MLXIPL: variants seen among roughly 807,000 people sequenced by gnomAD.
The protein encoded by MLXIPL is carbohydrate-responsive element-binding protein.
MLXIPL carries 49 observed loss-of-function variants against 81.5 expected under a neutral mutation model. The observed-to-expected ratio is 0.60, with a 90% CI of 0.48 to 0.76. The LOEUF is 0.76. Among genes scored for constraint, MLXIPL ranks in the 30% least tolerant of loss-of-function variants. The probability of loss-of-function intolerance (pLI) is 0.00; values close to 1 mark genes in which losing one functional copy is unlikely to be tolerated. For synonymous variants in MLXIPL, 466 were observed against 485.5 expected (o/e 0.96, Z 0.53); for missense variants, 1,053 against 1,167.0 (o/e 0.90, Z 1.42).
chr7:73,636,687 G>A, the MLXIPL span, among the ~76,000 whole-genome samples: 5 of 152,136 alleles, frequency 3.3e-5, no homozygotes, highest in Non-Finnish European at 5.9e-5. Context: ...ATGGACAACT[G>A]CCAGGCTGGG....
At chr7:73,616,572 G>A (rs1022947274) in intron 1 of MLXIPL, among the ~76,000 whole-genome samples, 4 of 152,126 alleles carry the variant, frequency 2.6e-5, no homozygotes, top group Non-Finnish European at 5.9e-5. Context: ...CCTGGGCTGG[G>A]TGCAGTAGCT....
At chr7:73,643,952 T>C in the MLXIPL span, among the ~76,000 whole-genome samples, 1 of 151,884 alleles carries the variant, frequency 6.6e-6, no homozygotes, top group Non-Finnish European at 1.5e-5. Context: ...AATTTTTATA[T>C]AGATGGGGGG....
Position 73,596,900 on chromosome 7 carries a change from C to T in MLXIPL, c.1636G>A (p.Val546Ile), listed in dbSNP as rs1554594345. 1 of 1,610,992 alleles carries T rather than the reference C, an allele frequency of 6.2e-7. No individual in the cohort carries two copies. The highest frequency in any genetic ancestry group is 1.1e-5 in the South Asian group (1 of 90,582). The change falls in exon 10 of 17, where the codon GTA becomes ATA. Residue 546 changes from valine to isoleucine, a missense_variant. Physicochemically the swap from Val to Ile is conservative, Grantham distance 29 (BLOSUM62 3). This residue lies in a region of MLXIPL where 823 missense variants were observed against 933.0 expected (regional missense o/e 0.88). Coordinates refer to ENST00000313375, the MANE Select transcript of MLXIPL (RefSeq NM_032951.3). The surrounding 1 kb of genome is among the most constrained non-coding windows in gnomAD (Gnocchi z 4.7). ...GGGGACCGGAGGAGGGTGCTGGATA[C>T]AAGTGGTGGCTCCAGGGCTTGCTCC... ...KPEQALEPPL[V>I]SSTLLRSPGS... is the part of the protein sequence containing the mutation.
chr7:73,597,904 C>G (rs1317412631), intron 8 of MLXIPL, among the ~76,000 whole-genome samples, 191 bp from the exon 9 acceptor site: 1 of 152,110 alleles, frequency 6.6e-6, no homozygotes, highest in African/African-American at 2.4e-5. Context: ...AGGGAAATTA[C>G]AATGAGAGGA....
intron 7 of MLXIPL, among the ~76,000 whole-genome samples, chr7:73,601,485 C>T (rs1794817641): frequency 6.6e-6 from 1 of 152,024 alleles, no homozygotes; most frequent in South Asian, 2.1e-4. Flanking sequence ...TCTGCTGGTA[C>T]AGAAAGGAGG....
chr7:73,602,395 G>A (rs1285844638), intron 7 of MLXIPL, among the ~76,000 whole-genome samples: 1 of 150,548 alleles, frequency 6.6e-6, no homozygotes, highest in Non-Finnish European at 1.5e-5. Context: ...ACCAGGCCAG[G>A]CGCGGTGGCT....
upstream of MLXIPL, chr7:73,624,556 G>A: frequency 6.8e-7 from 1 of 1,461,406 alleles, no homozygotes; most frequent in Non-Finnish European, 9.0e-7. Flanking sequence ...CTCTTGGCCA[G>A]CCGGGCCTCA....
chr7:73,635,982 T>C, the MLXIPL span, among the ~76,000 whole-genome samples: 1 of 152,182 alleles, frequency 6.6e-6, no homozygotes, highest in South Asian at 2.1e-4. Flanking sequence ...GAGTGAGGCA[T>C]GCCCTCCAGC....
At chr7:73,640,514 C>T in the MLXIPL span, among the ~76,000 whole-genome samples, 138 of 148,616 alleles carry the variant, frequency 9.3e-4, no homozygotes, top group South Asian at 3.7e-3. Flanking sequence ...TGGTGGCTCA[C>T]GCTTGTAATC....
intron 2 of MLXIPL, among the ~76,000 whole-genome samples, chr7:73,612,624 A>G (rs1795762435): frequency 6.7e-6 from 1 of 150,144 alleles, no homozygotes; most frequent in Non-Finnish European, 1.5e-5. Flanking sequence ...CCTGAGCAAC[A>G]GAGTGAGACC....
At chr7:73,603,549 C>T (rs1412582578) in intron 7 of MLXIPL, among the ~76,000 whole-genome samples, 3 of 152,198 alleles carry the variant, frequency 2.0e-5, no homozygotes, top group African/African-American at 4.8e-5. Context: ...CCCTAGTTCC[C>T]GCCCCATAGG....
Position 73,624,324 on chromosome 7 carries a change from G to T in MLXIPL, c.169C>A (p.Pro57Thr). The change falls in exon 1 of 17, where the codon CCG (proline) becomes ACG (threonine). Residue 57 changes from proline (P) to threonine (T), a missense_variant. Coordinates refer to ENST00000313375, the MANE Select transcript of MLXIPL (RefSeq NM_032951.3). ...CGCCGGGGCAGCGAGTCGCTGTGCGGCGACGACACCATGAAGTGACCGCTG... is the reference window on the plus strand; with the variant it reads ...CGCCGGGGCAGCGAGTCGCTGTGCGTCGACGACACCATGAAGTGACCGCTG... The part of the protein sequence containing the change: ...IHSGHFMVSS[P>T]HSDSLPRRRD... 6.3e-7 allele frequency: 1 copy of T among 1,588,436 alleles called. No homozygotes were observed. Among genetic ancestry groups the T allele is most frequent in the Non-Finnish European group, 8.5e-7 (1 of 1,169,732 alleles).
the MLXIPL span, among the ~76,000 whole-genome samples, chr7:73,635,879 C>T: frequency 8.4e-4 from 128 of 152,286 alleles, no homozygotes; most frequent in Middle Eastern, 3.4e-3. Context: ...ACATATTAAC[C>T]GCCTGCTGAT....
At chr7:73,598,240 CACCT>C (rs1182571229) in intron 8 of MLXIPL, among the ~76,000 whole-genome samples, 6 of 152,238 alleles carry the variant, frequency 3.9e-5, no homozygotes, top group South Asian at 4.1e-4. Flanking sequence ...TCCATCCATT[CACCT>C]ACCTATTTAT....
the MLXIPL span, among the ~76,000 whole-genome samples, chr7:73,633,805 A>G: frequency 6.6e-6 from 1 of 152,106 alleles, no homozygotes. Context: ...CCTCAAAGTG[A>G]GAAACATGCC....
At chr7:73,605,883 C>T in intron 6 of MLXIPL, 27 bp downstream of exon 6, 1 of 1,568,554 alleles carries the variant, frequency 6.4e-7, no homozygotes, top group Non-Finnish European at 8.7e-7. Flanking sequence ...CTTCACCCCT[C>T]TCCCCTGCCC....
At chr7:73,624,140 GGA>G in intron 1 of MLXIPL, 58 bp downstream of exon 1, 12 of 521,756 alleles carry the variant, frequency 2.3e-5, no homozygotes, top group Non-Finnish European at 3.2e-5. Flanking sequence ...GTCCTGCCCC[GGA>G]CCCCCCCCCC....
At position 73,596,754 on chromosome 7, in the gene MLXIPL, A is replaced by G; in HGVS notation, c.1707T>C (p.Leu569=). ...ETVPEFPCTF[L]PPTPAPTPPR... ...GCGGTGTAGGGGCCGGGGTCGGGGGAAGGAATGTGCAGGGGAATTCAGGGA... is the reference window on the plus strand; with the variant it reads ...GCGGTGTAGGGGCCGGGGTCGGGGGGAGGAATGTGCAGGGGAATTCAGGGA... Residue 569 remains leucine (L), a synonymous_variant, in exon 11 of 17, where the codon CTT becomes CTC. Coordinates refer to ENST00000313375, the MANE Select transcript of MLXIPL (RefSeq NM_032951.3). This position sits in a 1 kb window ranked among gnomAD's most constrained non-coding sequence, Gnocchi z 4.7. The G allele has an allele frequency of 5.0e-6, 8 of 1,598,844 alleles. No homozygotes were observed. The highest frequency in any genetic ancestry group is 3.4e-5 in the South Asian group (3 of 89,110).
At position 73,596,003 on chromosome 7, in the gene MLXIPL, C is replaced by T; in HGVS notation, c.2059-34G>A. The stretch of plus-strand genomic sequence containing the variant: ...GCCACCAGGGGGGCTCAGGCAGGTG[C>T]TAGAGGCTGTACCCTGGGACCCACT... On this transcript the variant is annotated intron_variant, in intron 13 of 16. Transcript: ENST00000313375. This position sits in a 1 kb window ranked among gnomAD's most constrained non-coding sequence, Gnocchi z 4.7. 4 of 1,610,670 alleles carry T rather than the reference C, an allele frequency of 2.5e-6. No homozygotes were observed. The highest frequency in any genetic ancestry group is 3.4e-6 in the Non-Finnish European group (4 of 1,179,840).
Sources: allele counts gnomAD v4.1 joint callset (sites outside exome capture counted in the v4.1 genomes callset), GRCh38; gene constraint gnomAD v4.1.1; regional missense constraint gnomAD v4.1.1; non-coding constraint Gnocchi (gnomAD v3.1); transcripts MANE v1.5; gene names NCBI Gene and HGNC (gene_info 2026-07-23, HGNC 2026-07-21).